Variants in DROSHA observed in about 807,000 individuals in gnomAD.
The protein encoded by DROSHA is ribonuclease 3.
DROSHA carries 56 observed loss-of-function variants against 181.9 expected under a neutral mutation model. That is an observed-to-expected ratio of 0.31 (90% CI 0.25 to 0.38). The LOEUF (loss-of-function observed/expected upper bound fraction) is 0.38. Ranked by LOEUF, DROSHA falls within the 10% of genes least tolerant of loss-of-function variation. The pLI, the probability that DROSHA is intolerant of heterozygous loss-of-function variation, is 1.00. For missense variants in DROSHA, 1,218 were observed against 1,743.5 expected, an observed-to-expected ratio of 0.70 and a Z score of 5.37; for synonymous variants, 524 against 591.2, an observed-to-expected ratio of 0.89 and a Z score of 1.65.
At chr5:31,401,931 C>T (rs1384601362) in intron 35 of DROSHA, among the ~76,000 whole-genome samples, 3 of 152,100 alleles carry the variant, frequency 2.0e-5, no homozygotes. Context: ...TGAAAGGATA[C>T]AGTAAAATGG....
chr5:31,436,438 G>C (rs1261775265), intron 24 of DROSHA, among the ~76,000 whole-genome samples: 1 of 149,080 alleles, frequency 6.7e-6, no homozygotes, highest in Non-Finnish European at 1.5e-5. Flanking sequence ...TGTCACCCAG[G>C]CTAAAGTGTT....
chr5:31,521,596 A>C lies in DROSHA; in HGVS notation c.855-381T>G, dbSNP rs138254526. On this transcript the variant is annotated intron_variant, in intron 5 of 35. Transcript: ENST00000344624. ...TTCTAAAAAATGCTCTATTTTACCTATCAAATAAATGTAAATTATAAAGCT... is the reference window on the plus strand; with the variant it reads ...TTCTAAAAAATGCTCTATTTTACCTCTCAAATAAATGTAAATTATAAAGCT... 2.6e-5 allele frequency among the ~76,000 whole-genome samples: 4 copies of C among 152,220 alleles called. No individual in the cohort carries two copies. The South Asian group carries it at 6.2e-4, about 24-fold the overall frequency.
intron 11 of DROSHA, among the ~76,000 whole-genome samples, chr5:31,501,782 A>G (rs1197103698): frequency 6.6e-6 from 1 of 152,202 alleles, no homozygotes; most frequent in Non-Finnish European, 1.5e-5. Flanking sequence ...TGGTTCACAG[A>G]CATTTATAGT....
At chr5:31,520,621 T>C (rs1004103674) in intron 6 of DROSHA, among the ~76,000 whole-genome samples, 5 of 152,274 alleles carry the variant, frequency 3.3e-5, no homozygotes, top group Non-Finnish European at 5.9e-5. Flanking sequence ...GGAGAGCTAA[T>C]AACTGACCCC....
rs2150024007 is a variant in DROSHA at position 31,463,467 on chromosome 5, A to C, written c.2574+769T>G. On this transcript the variant is annotated intron_variant, in intron 20 of 35. Transcript: ENST00000344624. ...ACACATGCTACCATCGAAACAGATA[A>C]ATGGAAGCCTGGAAGTATTCTTCCA... is the stretch of plus-strand genomic sequence containing the variant. Among the ~76,000 whole-genome samples, 2 of 152,320 alleles carry C rather than the reference A, an allele frequency of 1.3e-5. 1 individual carries two copies. The highest frequency in any genetic ancestry group is 4.1e-4 in the South Asian group (2 of 4,832).
intron 23 of DROSHA, among the ~76,000 whole-genome samples, 199 bp from the exon 24 acceptor site, chr5:31,437,497 C>A (rs1399754179): frequency 6.6e-6 from 1 of 151,972 alleles, no homozygotes; most frequent in East Asian, 1.9e-4. Flanking sequence ...AGGAGGGGTG[C>A]ATTCCTTCAT....
At chr5:31,408,911 C>G (rs556722226) in intron 33 of DROSHA, 145 bp downstream of exon 33, 16 of 695,106 alleles carry the variant, frequency 2.3e-5, no homozygotes, top group Non-Finnish European at 3.6e-5. Flanking sequence ...CCCTGTGGGG[C>G]CCAAAGTCAC....
chr5:31,527,706 G>C (rs1457325062), intron 4 of DROSHA: 1 of 152,472 alleles, frequency 6.6e-6, no homozygotes, highest in Non-Finnish European at 1.5e-5. Context: ...GCAGGAGGAG[G>C]GCATGCATCA....
At chr5:31,466,772 T>C (rs929535494) in intron 18 of DROSHA, among the ~76,000 whole-genome samples, 1 of 152,198 alleles carries the variant, frequency 6.6e-6, no homozygotes, top group Non-Finnish European at 1.5e-5. Flanking sequence ...CCAAGCTACA[T>C]AGCTGTATCC....
In DROSHA at chr5:31,401,263, G is replaced by T; in HGVS notation, c.*169C>A. 1 of 921,090 alleles carries T rather than the reference G, an allele frequency of 1.1e-6. No individual in the cohort carries two copies. Among genetic ancestry groups the T allele is most frequent in the Non-Finnish European group, 1.7e-6 (1 of 594,560 alleles). 57.1% of individuals were successfully genotyped at this position (921,090 alleles called of 1,614,324 possible). Reference sequence around the variant, plus strand: ...GAAAAATCTAATACTTTGTAATAAAGACCATCCAGCTAAAAACAGATCATT... The same window carrying T: ...GAAAAATCTAATACTTTGTAATAAATACCATCCAGCTAAAAACAGATCATT... On this transcript the variant is annotated 3_prime_UTR_variant, in exon 36 of 36. Transcript: ENST00000344624.
chr5:31,424,311 A>G, intron 28 of DROSHA, 116 bp downstream of exon 28: 2 of 1,330,254 alleles, frequency 1.5e-6, no homozygotes, highest in Non-Finnish European at 2.1e-6. Flanking sequence ...GCTTAAAGGC[A>G]CAATGCCACC....
intron 18 of DROSHA, among the ~76,000 whole-genome samples, chr5:31,466,716 A>G (rs976185937): frequency 5.3e-5 from 8 of 152,314 alleles, no homozygotes; most frequent in East Asian, 1.9e-4. Flanking sequence ...TATACCAAAT[A>G]TAAGTTGAAG....
chr5:31,412,197 A>G (rs1191974035), intron 30 of DROSHA, among the ~76,000 whole-genome samples: 2 of 152,240 alleles, frequency 1.3e-5, no homozygotes, highest in Admixed American at 6.5e-5. Context: ...AAGGAGGTAC[A>G]TACAAAGATG....
At chr5:31,451,247 C>T (rs538719167) in intron 21 of DROSHA, among the ~76,000 whole-genome samples, 118 of 152,142 alleles carry the variant, frequency 7.8e-4, no homozygotes, top group Non-Finnish European at 1.5e-3. Flanking sequence ...AGTTAGAATA[C>T]TCAGCACCTG....
chr5:31,526,647 AG>A lies in DROSHA; in HGVS notation c.285del (p.Cys96AlafsTer12). 9.0e-7 allele frequency: 1 copy of A among 1,113,700 alleles called. No individual in the cohort carries two copies. The highest frequency in any genetic ancestry group is 2.1e-5 in the South Asian group (1 of 47,358). 69.0% of individuals were successfully genotyped at this position (1,113,700 alleles called of 1,614,324 possible). A position where few individuals can be genotyped will look rare whatever the true frequency, so the allele number is the denominator to read the frequency against. On this transcript the variant is annotated frameshift_variant, in exon 5 of 36. Coordinates refer to ENST00000344624, the MANE Select transcript of DROSHA (RefSeq NM_001382508.1). LOFTEE classifies it high-confidence loss of function. ...TTGGGGAAAGGCGGCCTGATTGGGC[AG>A]GGGGGAAGAGGGCCTTGCGCTGACG... ...MPPSAQGPLP[P>X]CPIRPPFPNH... is the part of the protein sequence containing the mutation.
In DROSHA at chr5:31,515,151, T is replaced by A; in HGVS notation, c.1127A>T (p.Gln376Leu). 6.2e-7 allele frequency: 1 copy of A among 1,614,026 alleles called. No homozygotes were observed. ...ATAGTTCTTGTCTTTGCCAGAACTC[T>A]GGTTGTCACTCCAACGGTCTTTTTC... ...EEEKDRWSDN[Q>L]SSGKDKNYTS... The change falls in exon 8 of 36, where the codon CAG (glutamine) becomes CTG (leucine). Residue 376 changes from glutamine (Q) to leucine (L), a missense_variant. Gln to Leu is a moderately radical substitution (Grantham distance 113). Coordinates refer to ENST00000344624, the MANE Select transcript of DROSHA (RefSeq NM_001382508.1).
intron 13 of DROSHA, among the ~76,000 whole-genome samples, chr5:31,490,566 C>T (rs1752290083): frequency 6.6e-6 from 1 of 152,106 alleles, no homozygotes; most frequent in African/African-American, 2.4e-5. Flanking sequence ...GTAAAATTCT[C>T]CCAGAATGCT....
At chr5:31,515,418 A>G (rs1438983025) in intron 7 of DROSHA, 36 bp downstream of exon 7, 1 of 1,134,384 alleles carries the variant, frequency 8.8e-7, no homozygotes, top group Non-Finnish European at 1.3e-6. Context: ...TTGTTTAAAA[A>G]TACAAATTCC....
intron 13 of DROSHA, among the ~76,000 whole-genome samples, chr5:31,490,436 T>A (rs913604470): frequency 4.6e-5 from 7 of 152,166 alleles, no homozygotes; most frequent in African/African-American, 1.7e-4. Flanking sequence ...CTTGCCTTAG[T>A]GCCAGGATTA....
Sources: gnomAD v4.1 joint callset for allele counts (sites outside exome capture counted in the v4.1 genomes callset) on GRCh38, gnomAD v4.1.1 for gene constraint, MANE v1.5 for transcripts, NCBI Gene and HGNC (gene_info 2026-07-23, HGNC 2026-07-21) for gene names.